Variants in CNBD1 observed in about 807,000 individuals in gnomAD.
The protein encoded by CNBD1 is cyclic nucleotide-binding domain-containing protein 1.
A neutral mutation model predicts 54.4 loss-of-function variants in CNBD1; 71 were observed. The observed-to-expected ratio is 1.30, with a 90% CI of 1.08 to 1.59. The LOEUF (loss-of-function observed/expected upper bound fraction) is 1.59, where lower values mean the gene tolerates loss of function less well. Among genes scored for constraint, CNBD1 ranks in the 40% most tolerant of loss-of-function variants. CNBD1 has a pLI of 0.00. For synonymous variants in CNBD1, 182 were observed against 170.7 expected (o/e 1.07, Z -0.51); for missense variants, 659 against 518.0 (o/e 1.27, Z -2.64).
chr8:86,878,610 C>T (rs1048821375), intron 1 of CNBD1, among the ~76,000 whole-genome samples: 5 of 151,594 alleles, frequency 3.3e-5, no homozygotes, highest in African/African-American at 7.3e-5. Context: ...TATGTGGAAC[C>T]GTTGTTTAAC....
At chr8:87,279,832 T>C (rs974417131) in intron 6 of CNBD1, among the ~76,000 whole-genome samples, 6 of 151,326 alleles carry the variant, frequency 4.0e-5, no homozygotes, top group Non-Finnish European at 7.4e-5. Context: ...TGAAAAATAA[T>C]ATATTTATAT....
intron 5 of CNBD1, among the ~76,000 whole-genome samples, chr8:87,209,407 GCAAA>G (rs1159571157): frequency 6.6e-6 from 1 of 151,904 alleles, no homozygotes; most frequent in African/African-American, 2.4e-5. Flanking sequence ...AGGAAAATAA[GCAAA>G]CAATTCCATT....
chr8:87,344,881 G>T (rs191908160), intron 8 of CNBD1, among the ~76,000 whole-genome samples: 1 of 152,056 alleles, frequency 6.6e-6, no homozygotes, highest in Non-Finnish European at 1.5e-5. Flanking sequence ...GTTAGGATGA[G>T]GTAACTAATC....
chr8:87,338,249 C>T (rs1023939254), intron 8 of CNBD1, among the ~76,000 whole-genome samples: 3 of 152,086 alleles, frequency 2.0e-5, no homozygotes, highest in Admixed American at 6.6e-5. Context: ...TATACATAAG[C>T]ATAAATATCT....
chr8:86,917,827 A>G (rs1809211605), intron 3 of CNBD1, among the ~76,000 whole-genome samples: 1 of 152,126 alleles, frequency 6.6e-6, no homozygotes. Context: ...CCAGAAAAAG[A>G]TATGAAATTT....
intron 8 of CNBD1, among the ~76,000 whole-genome samples, chr8:87,319,270 G>A (rs945856916): frequency 6.6e-6 from 1 of 152,100 alleles, no homozygotes. Flanking sequence ...TTCAATGCTT[G>A]ATGTGGAAGT....
At chr8:86,887,465 G>A in intron 1 of CNBD1, 77 bp from the exon 2 acceptor site, 2 of 857,956 alleles carry the variant, frequency 2.3e-6, no homozygotes, top group Admixed American at 2.3e-5. Flanking sequence ...ATGAATGTTT[G>A]CAATTAAACT....
At chr8:87,327,758 G>A (rs1046635401) in intron 8 of CNBD1, among the ~76,000 whole-genome samples, 20 of 152,058 alleles carry the variant, frequency 1.3e-4, no homozygotes, top group Admixed American at 2.0e-4. Context: ...GAAATCACCC[G>A]TCTTCTGCGT....
intron 6 of CNBD1, among the ~76,000 whole-genome samples, chr8:87,278,442 C>T (rs758064286): frequency 6.6e-5 from 10 of 151,542 alleles, no homozygotes; most frequent in Admixed American, 1.3e-4. Context: ...AAAAGAAACA[C>T]ACTCCAAGGT....
chr8:86,972,956 C>T (rs1808259541), intron 4 of CNBD1, among the ~76,000 whole-genome samples: 1 of 152,152 alleles, frequency 6.6e-6, no homozygotes, highest in Non-Finnish European at 1.5e-5. Flanking sequence ...CCCCTCATCC[C>T]CTCGTTGACT....
chr8:87,264,519 T>C lies in CNBD1; in HGVS notation c.772-20159T>C, dbSNP rs182016195. 2.5e-3 allele frequency among the ~76,000 whole-genome samples: 380 copies of C among 152,008 alleles called. 1 individual carries two copies. The highest frequency in any genetic ancestry group is 4.1e-3 in the Non-Finnish European group (280 of 68,020). On this transcript the variant is annotated intron_variant, in intron 6 of 10. Coordinates refer to ENST00000518476, the MANE Select transcript of CNBD1 (RefSeq NM_173538.3). ...AATCCTTTGGGTATATACCCAGTAATGGGATGGCTGGGTCAAATAGTATTT... is the reference window on the plus strand; with the variant it reads ...AATCCTTTGGGTATATACCCAGTAACGGGATGGCTGGGTCAAATAGTATTT...
At chr8:87,334,636 A>G (rs1410924339) in intron 8 of CNBD1, among the ~76,000 whole-genome samples, 2 of 151,420 alleles carry the variant, frequency 1.3e-5, no homozygotes, top group Non-Finnish European at 2.9e-5. Flanking sequence ...TTTACCCAGT[A>G]GTCATTCAGG....
chr8:87,026,889 T>C (rs1344217181), intron 4 of CNBD1, among the ~76,000 whole-genome samples: 1 of 152,166 alleles, frequency 6.6e-6, no homozygotes, highest in Non-Finnish European at 1.5e-5. Flanking sequence ...TTTGGCTGGG[T>C]TTCTATGCCA....
At chr8:87,231,956 T>G (rs1807449087) in intron 5 of CNBD1, among the ~76,000 whole-genome samples, 1 of 152,194 alleles carries the variant, frequency 6.6e-6, no homozygotes, top group Non-Finnish European at 1.5e-5. Context: ...TGGCTCTCTA[T>G]TTCTTTTTTT....
chr8:86,934,355 T>C (rs1347326531), intron 3 of CNBD1, among the ~76,000 whole-genome samples: 5 of 152,314 alleles, frequency 3.3e-5, no homozygotes, highest in Admixed American at 1.3e-4. Context: ...GATTTTTGTA[T>C]ATTGAACTTT....
At chr8:87,267,770 T>C (rs963423223) in intron 6 of CNBD1, among the ~76,000 whole-genome samples, 2 of 152,112 alleles carry the variant, frequency 1.3e-5, no homozygotes, top group African/African-American at 2.4e-5. Flanking sequence ...ATCCAGATAG[T>C]GGGCCCAAAG....
intron 8 of CNBD1, among the ~76,000 whole-genome samples, chr8:87,339,101 G>A (rs1810011333): frequency 6.7e-6 from 1 of 149,952 alleles, no homozygotes; most frequent in Non-Finnish European, 1.5e-5. Flanking sequence ...AAGCAGATTA[G>A]AGTTCGATTA....
chr8:87,232,598 A>G (rs537189745), intron 5 of CNBD1, among the ~76,000 whole-genome samples: 6 of 152,192 alleles, frequency 3.9e-5, no homozygotes. Context: ...TTAGCAATAA[A>G]TTCAGCATTT....
chr8:87,194,714 A>G (rs1229943938), intron 4 of CNBD1, among the ~76,000 whole-genome samples: 1 of 152,110 alleles, frequency 6.6e-6, no homozygotes, highest in Non-Finnish European at 1.5e-5. Context: ...AGTAAATTGT[A>G]TGTTTCCCCT....
Sources: gnomAD v4.1 joint callset for allele counts (sites outside exome capture counted in the v4.1 genomes callset) on GRCh38, gnomAD v4.1.1 for gene constraint, MANE v1.5 for transcripts, NCBI Gene and HGNC (gene_info 2026-07-23, HGNC 2026-07-21) for gene names.